Variants in GABRA1 observed in about 807,000 individuals in gnomAD.
The protein encoded by GABRA1 is gamma-aminobutyric acid type A receptor subunit alpha1, also known as gamma-aminobutyric acid receptor subunit alpha-1.
A neutral mutation model predicts 48.9 loss-of-function variants in GABRA1; 9 were observed. That is an observed-to-expected ratio of 0.18 (90% CI 0.11 to 0.32). The LOEUF (loss-of-function observed/expected upper bound fraction) is 0.32. Ranked by LOEUF, GABRA1 falls within the 10% of genes least tolerant of loss-of-function variation. GABRA1 has a pLI of 1.00. For missense variants in GABRA1, 285 were observed against 553.8 expected (o/e 0.51, Z 4.87); for synonymous variants, 210 against 198.7 (o/e 1.06, Z -0.48).
intron 1 of GABRA1, chr5:161,850,352 A>G (rs1422448794): frequency 8.7e-6 from 3 of 344,740 alleles, no homozygotes; most frequent in African/African-American, 6.3e-5. Flanking sequence ...TATCCCCTCC[A>G]ATCCCTAAAT....
intron 1 of GABRA1, chr5:161,850,501 C>G: frequency 2.0e-6 from 1 of 511,758 alleles, no homozygotes; most frequent in Non-Finnish European, 3.4e-6. Flanking sequence ...AATATAAAAC[C>G]TAGAGATAAA....
At chr5:161,889,098 G>T (rs1303359227) in intron 7 of GABRA1, among the ~76,000 whole-genome samples, 2 of 152,022 alleles carry the variant, frequency 1.3e-5, no homozygotes, top group Non-Finnish European at 2.9e-5. Flanking sequence ...AACACAGTAA[G>T]TGTTTAGTAA....
Position 161,854,915 on chromosome 5 carries a change from T to C in GABRA1, c.187+645T>C, listed in dbSNP as rs1472408886. Among the ~76,000 whole-genome samples, 12 of 151,458 alleles carry C rather than the reference T, an allele frequency of 7.9e-5. No individual in the cohort carries two copies. In the East Asian group the frequency reaches 2.3e-3, roughly 29 times the overall value. On this transcript the variant is annotated intron_variant, in intron 3 of 9. Coordinates refer to ENST00000393943, the MANE Select transcript of GABRA1 (RefSeq NM_001127644.2). Reference sequence around the variant, plus strand: ...TATATATAACAATAAGAGTAAATAGTTCTAGGAATTGCACACATTTGAATA... The same window carrying C: ...TATATATAACAATAAGAGTAAATAGCTCTAGGAATTGCACACATTTGAATA...
Position 161,873,141 on chromosome 5 carries a change from C to T in GABRA1, c.280C>T (p.Arg94Cys), listed in dbSNP as rs1457242041. The T allele has an allele frequency of 1.2e-6, 2 of 1,612,512 alleles. No homozygotes were observed. Among genetic ancestry groups the T allele is most frequent in the Non-Finnish European group, 1.7e-6 (2 of 1,178,668 alleles). The change falls in exon 5 of 10, where the codon CGT becomes TGT. Residue 94 changes from arginine to cysteine, a missense_variant. Coordinates refer to ENST00000393943, the MANE Select transcript of GABRA1 (RefSeq NM_001127644.2). ...DMEYTIDVFF[R>C]QSWKDERLKF... is the part of the protein sequence containing the mutation. ...GGAATATACAATAGATGTATTTTTCCGTCAAAGCTGGAAGGATGAAAGGTT... is the reference window on the plus strand; with the variant it reads ...GGAATATACAATAGATGTATTTTTCTGTCAAAGCTGGAAGGATGAAAGGTT...
rs746503521 is a variant in GABRA1, at chr5:161,875,509, A to C, written c.477-51A>C. 4 of 1,388,628 alleles carry C rather than the reference A, an allele frequency of 2.9e-6. No homozygotes were observed. The East Asian group carries it at 9.1e-5, about 32-fold the overall frequency. The allele number at this position is 1,388,628 out of a possible 1,614,324, so 86.0% of individuals were successfully genotyped here. On this transcript the variant is annotated intron_variant, in intron 5 of 9. Coordinates refer to ENST00000393943, the MANE Select transcript of GABRA1 (RefSeq NM_001127644.2). ...AATAACATTCCACTTGTACTTATCA[A>C]GAAGTATCTAATCTATATGGCTCTT...
At chr5:161,884,798 G>T (rs1013081052) in intron 7 of GABRA1, among the ~76,000 whole-genome samples, 1 of 152,120 alleles carries the variant, frequency 6.6e-6, no homozygotes, top group African/African-American at 2.4e-5. Context: ...GAATATTCCT[G>T]CTCTAATTTT....
chr5:161,885,953 C>T lies in GABRA1; in HGVS notation c.703+3252C>T, dbSNP rs367803946. ...AGAGATGAAAGGCACAAAACCCCTG[C>T]CCTTCAGAAGTTCTTAGTTGAGTGA... On this transcript the variant is annotated intron_variant, in intron 7 of 9. Coordinates refer to ENST00000393943, the MANE Select transcript of GABRA1 (RefSeq NM_001127644.2). 1.1e-3 allele frequency among the ~76,000 whole-genome samples: 171 copies of T among 152,236 alleles called. 1 individual carries two copies. Among genetic ancestry groups the T allele is most frequent in the African/African-American group, 4.0e-3 (167 of 41,544 alleles).
At chr5:161,864,308 T>C (rs938609774) in intron 3 of GABRA1, among the ~76,000 whole-genome samples, 2 of 152,044 alleles carry the variant, frequency 1.3e-5, no homozygotes, top group Non-Finnish European at 1.5e-5. Flanking sequence ...ACCCACTAAC[T>C]CATCATCTAG....
chr5:161,859,703 G>A (rs1437837114), intron 3 of GABRA1, among the ~76,000 whole-genome samples: 1 of 151,598 alleles, frequency 6.6e-6, no homozygotes, highest in African/African-American at 2.4e-5. Flanking sequence ...TTTTGTTCAT[G>A]TTCAACTAAT....
At chr5:161,870,380 G>A (rs4364428) in intron 4 of GABRA1, among the ~76,000 whole-genome samples, 26,558 of 151,706 alleles carry the variant, frequency 0.18, 3,035 homozygotes, top group African/African-American at 0.32. Flanking sequence ...TGACCAACAT[G>A]GCGAAACCCC....
chr5:161,861,123 A>G (rs1757841593), intron 3 of GABRA1, among the ~76,000 whole-genome samples: 1 of 151,786 alleles, frequency 6.6e-6, no homozygotes, highest in Non-Finnish European at 1.5e-5. Context: ...TAAGATTGTT[A>G]ATAGTATTAT....
intron 3 of GABRA1, among the ~76,000 whole-genome samples, chr5:161,856,058 T>C (rs1318086909): frequency 6.6e-6 from 1 of 151,362 alleles, no homozygotes; most frequent in African/African-American, 2.4e-5. Context: ...TCCTTTTAAT[T>C]GCATAGAATA....
rs187378147 is a variant in GABRA1 at position 161,858,161 on chromosome 5, G to A, written c.187+3891G>A. 5.3e-3 allele frequency among the ~76,000 whole-genome samples: 799 copies of A among 151,462 alleles called. 3 individuals are homozygous for A. Among genetic ancestry groups the A allele is most frequent in the Non-Finnish European group, 6.5e-3 (441 of 67,542 alleles). On this transcript the variant is annotated intron_variant, in intron 3 of 9. Coordinates refer to ENST00000393943, the MANE Select transcript of GABRA1 (RefSeq NM_001127644.2). ...TTGATCAATTTATATGGCTCTTTTAGTTTTAAATCAGGACGAAACCAAAAT... is the reference window on the plus strand; with the variant it reads ...TTGATCAATTTATATGGCTCTTTTAATTTTAAATCAGGACGAAACCAAAAT...
intron 6 of GABRA1, chr5:161,881,999 GA>G (rs1489844047): frequency 1.3e-5 from 2 of 155,740 alleles, no homozygotes; most frequent in African/African-American, 4.8e-5. Context: ...AGGAGAAGGA[GA>G]AGGAGAAGAA....
chr5:161,870,373 C>A (rs1037435442), intron 4 of GABRA1, among the ~76,000 whole-genome samples: 1 of 151,890 alleles, frequency 6.6e-6, no homozygotes, highest in African/African-American at 2.4e-5. Flanking sequence ...ACCAGCCTGA[C>A]CAACATGGCG....
At chr5:161,862,390 CCTT>C (rs891314508) in intron 3 of GABRA1, among the ~76,000 whole-genome samples, 5 of 151,894 alleles carry the variant, frequency 3.3e-5, no homozygotes, top group African/African-American at 9.6e-5. Context: ...TCCTTTGCCT[CCTT>C]CTTTTTTTTA....
intron 4 of GABRA1, among the ~76,000 whole-genome samples, chr5:161,868,800 C>A (rs1376860233): frequency 1.3e-5 from 2 of 152,112 alleles, no homozygotes; most frequent in African/African-American, 2.4e-5. Context: ...ATTGTGATTC[C>A]ATAAACCAAT....
intron 7 of GABRA1, among the ~76,000 whole-genome samples, chr5:161,884,409 G>A (rs1581208819): frequency 6.6e-6 from 1 of 152,120 alleles, no homozygotes; most frequent in African/African-American, 2.4e-5. Context: ...GGTAGTTTAA[G>A]TGCTGTGATT....
chr5:161,849,125 G>A, intron 1 of GABRA1: 1 of 299,760 alleles, frequency 3.3e-6, no homozygotes, highest in Non-Finnish European at 6.6e-6. Context: ...AAACTATTAT[G>A]TTTGTATTTG....
Sources: allele counts gnomAD v4.1 joint callset (sites outside exome capture counted in the v4.1 genomes callset), GRCh38; gene constraint gnomAD v4.1.1; transcripts MANE v1.5; gene names NCBI Gene and HGNC (gene_info 2026-07-23, HGNC 2026-07-21).